The following EML5 variants were observed in gnomAD, a reference collection of about 807,000 sequenced individuals.
EML5 encodes the protein EMAP like 5, also known as echinoderm microtubule-associated protein-like 5.
Under a neutral mutation model 250.0 loss-of-function variants are expected in EML5, and 120 were observed. The observed-to-expected ratio is 0.48, with a 90% CI of 0.41 to 0.56. The LOEUF is 0.56. EML5 is among the 20% of genes least tolerant of loss of function. The pLI is 0.00. For missense variants in EML5, 2,006 were observed against 2,437.6 expected (o/e 0.82, Z 3.73); for synonymous variants, 771 against 806.5 (o/e 0.96, Z 0.75).
intron 21 of EML5, among the ~76,000 whole-genome samples, chr14:88,676,339 C>G (rs1178033133): frequency 2.6e-5 from 4 of 152,232 alleles, no homozygotes; most frequent in Admixed American, 1.3e-4. Flanking sequence ...AAAGGAGAAG[C>G]AGGCACCTTC....
Position 88,720,932 on chromosome 14 carries a change from G to A in EML5, c.1187+5609C>T, listed in dbSNP as rs369370403. Among the ~76,000 whole-genome samples, 21 of 151,892 alleles carry A rather than the reference G, an allele frequency of 1.4e-4. 1 individual carries two copies. The highest frequency in any genetic ancestry group is 1.1e-3 in the Admixed American group (17 of 15,234). On this transcript the variant is annotated intron_variant, in intron 8 of 43. Coordinates refer to ENST00000554922, the MANE Select transcript of EML5 (RefSeq NM_183387.3). ...TGATAAGCAACTCCAGCAAAGTCTC[G>A]GGATATAAAATCAATGTGTAAAAGT...
chr14:88,646,872 TCCCATTAATGCTAAA>T (rs1246850540), intron 29 of EML5, 60 bp downstream of exon 29: 14 of 1,462,284 alleles, frequency 9.6e-6, no homozygotes, highest in Non-Finnish European at 1.2e-5. Context: ...AGTAACAGTA[TCCCATTAATGCTAAA>T]TATGGAAGAT....
intron 22 of EML5, 110 bp downstream of exon 22, chr14:88,665,225 TAA>T: frequency 1.7e-6 from 2 of 1,209,462 alleles, no homozygotes; most frequent in South Asian, 1.7e-5. Context: ...CCTCTTCTAG[TAA>T]AAAAGTTAAG....
At chr14:88,709,157 TAATAA>T (rs1458692333) in intron 10 of EML5, among the ~76,000 whole-genome samples, 3 of 119,556 alleles carry the variant, frequency 2.5e-5, no homozygotes, top group African/African-American at 1.3e-4. Flanking sequence ...GATATGGGAA[TAATAA>T]ATATATGAAA....
At chr14:88,712,149 C>A in intron 10 of EML5, 122 bp downstream of exon 10, 2 of 662,954 alleles carry the variant, frequency 3.0e-6, no homozygotes, top group Non-Finnish European at 5.1e-6. Flanking sequence ...AAAATGAAAC[C>A]CTTCACCAAT....
At chr14:88,761,153 T>C (rs2094235764) in intron 1 of EML5, among the ~76,000 whole-genome samples, 1 of 152,204 alleles carries the variant, frequency 6.6e-6, no homozygotes, top group Admixed American at 6.5e-5. Context: ...TAAGCCTTTT[T>C]ATTTCTTGTC....
intron 4 of EML5, among the ~76,000 whole-genome samples, chr14:88,741,082 G>C (rs1303143201): frequency 6.6e-6 from 1 of 152,052 alleles, no homozygotes; most frequent in Admixed American, 6.6e-5. Context: ...AGAATCGCTT[G>C]ATATCAAGAG....
intron 21 of EML5, among the ~76,000 whole-genome samples, chr14:88,680,722 G>A (rs2092697899): frequency 6.6e-6 from 1 of 151,834 alleles, no homozygotes; most frequent in African/African-American, 2.4e-5. Flanking sequence ...TGAATCATTA[G>A]CATCCAGAGT....
intron 13 of EML5, among the ~76,000 whole-genome samples, 154 bp from the exon 14 acceptor site, chr14:88,702,786 G>A (rs899942776): frequency 1.3e-5 from 2 of 151,886 alleles, no homozygotes; most frequent in East Asian, 1.9e-4. Flanking sequence ...ATGGGGTCTC[G>A]CTCTGTCACT....
chr14:88,681,988 T>C lies in EML5; in HGVS notation c.3026A>G (p.Tyr1009Cys). 1 of 1,612,950 alleles carries C rather than the reference T, an allele frequency of 6.2e-7. No individual in the cohort carries two copies. Among genetic ancestry groups the C allele is most frequent in the Non-Finnish European group, 8.5e-7 (1 of 1,179,526 alleles). Residue 1009 changes from tyrosine (Y) to cysteine (C), a missense_variant, in exon 21 of 44, where the codon TAT (tyrosine) becomes TGT (cysteine). Physicochemically the swap from Tyr to Cys is radical, Grantham distance 194 (BLOSUM62 -2). Transcript: ENST00000554922. ...GEVWGLATHP[Y>C]LPICATVSDD... ...GCTTACAGTAGCACAGATGGGCAGA[T>C]AAGGGTGTGTAGCTAAACCCCACAC... is the stretch of plus-strand genomic sequence containing the variant.
chr14:88,618,427 T>TA, intron 40 of EML5, 96 bp from the exon 41 acceptor site: 1 of 1,181,258 alleles, frequency 8.5e-7, no homozygotes, highest in Non-Finnish European at 1.2e-6. Flanking sequence ...CTACTTGATT[T>TA]ACATGTCTAA....
intron 4 of EML5, among the ~76,000 whole-genome samples, chr14:88,742,221 G>C (rs991324677): frequency 7.2e-5 from 11 of 151,960 alleles, no homozygotes; most frequent in African/African-American, 2.7e-4. Flanking sequence ...AATCAATATT[G>C]ACCAATAGAA....
At chr14:88,754,404 A>G (rs1043282602) in intron 2 of EML5, 108 bp downstream of exon 2, 3 of 1,081,308 alleles carry the variant, frequency 2.8e-6, no homozygotes, top group East Asian at 2.9e-5. Flanking sequence ...CCACCTTTGG[A>G]CAAATAATTT....
intron 21 of EML5, among the ~76,000 whole-genome samples, chr14:88,681,062 T>C (rs2092704354): frequency 6.6e-6 from 1 of 152,168 alleles, no homozygotes; most frequent in Admixed American, 6.5e-5. Context: ...AAATCTAAAA[T>C]ATAAACAAGA....
intron 7 of EML5, among the ~76,000 whole-genome samples, chr14:88,729,863 G>GTTTTTTCTT (rs767744148): frequency 1.5e-5 from 1 of 67,890 alleles, no homozygotes; most frequent in African/African-American, 1.3e-4. Context: ...ACTCGGTCTT[G>GTTTTTTCTT]TTTTTTGTTT....
chr14:88,644,541 G>A, intron 29 of EML5, 30 bp from the exon 30 acceptor site: 1 of 1,605,700 alleles, frequency 6.2e-7, no homozygotes, highest in Non-Finnish European at 8.5e-7. Context: ...AGGAGGAAAG[G>A]CATGCAGCAC....
chr14:88,775,031 T>G (rs1325269910), intron 1 of EML5, among the ~76,000 whole-genome samples: 1 of 152,164 alleles, frequency 6.6e-6, no homozygotes, highest in African/African-American at 2.4e-5. Context: ...AACTGCTGCC[T>G]TGAAGGGAAG....
At chr14:88,736,948 T>C (rs775213396) in intron 6 of EML5, among the ~76,000 whole-genome samples, 23 of 152,190 alleles carry the variant, frequency 1.5e-4, no homozygotes, top group African/African-American at 4.6e-4. Context: ...TCAGCCATAT[T>C]TGGGGACTGC....
chr14:88,662,350 T>G (rs908590510), intron 24 of EML5, among the ~76,000 whole-genome samples: 5 of 141,762 alleles, frequency 3.5e-5, no homozygotes, highest in African/African-American at 8.4e-5. Flanking sequence ...TTTTTTTTTT[T>G]TTTTTTTTTT....
Sources: gnomAD v4.1 joint callset for allele counts (sites outside exome capture counted in the v4.1 genomes callset) on GRCh38, gnomAD v4.1.1 for gene constraint, MANE v1.5 for transcripts, NCBI Gene and HGNC (gene_info 2026-07-23, HGNC 2026-07-21) for gene names.